The following ADGRL3 variants were observed in gnomAD, a reference collection of about 807,000 sequenced individuals.
ADGRL3 encodes calcium-independent alpha-latrotoxin receptor 3.
A neutral mutation model predicts 153.5 loss-of-function variants in ADGRL3; 62 were observed. That is an observed-to-expected ratio of 0.40 (90% CI 0.33 to 0.50). ADGRL3 has a LOEUF of 0.50. Ranked by LOEUF, ADGRL3 falls within the 20% of genes least tolerant of loss-of-function variation. The probability of loss-of-function intolerance (pLI) is 0.47; values close to 1 mark genes in which losing one functional copy is unlikely to be tolerated. For missense variants in ADGRL3, 1,641 were observed against 1,859.4 expected (o/e 0.88, Z 2.16); for synonymous variants, 710 against 672.5 (o/e 1.06, Z -0.86).
At chr4:61,558,946 G>A (rs941031138) in intron 4 of ADGRL3, among the ~76,000 whole-genome samples, 14 of 151,396 alleles carry the variant, frequency 9.2e-5, no homozygotes, top group African/African-American at 3.4e-4. Context: ...TTTCCTCATT[G>A]GTAAATAGGG....
chr4:61,401,100 C>T (rs2096925646), intron 2 of ADGRL3, among the ~76,000 whole-genome samples: 2 of 150,284 alleles, frequency 1.3e-5, no homozygotes, highest in Non-Finnish European at 3.0e-5. Flanking sequence ...TTTGAAAATG[C>T]AGTGGATAGA....
chr4:61,224,855 T>C (rs917083129), intron 1 of ADGRL3, among the ~76,000 whole-genome samples: 1 of 152,196 alleles, frequency 6.6e-6, no homozygotes, highest in Non-Finnish European at 1.5e-5. Flanking sequence ...CCATTTCTGA[T>C]GTCTTCTGTA....
intron 8 of ADGRL3, among the ~76,000 whole-genome samples, chr4:61,779,624 ACT>A (rs1445382857): frequency 8.4e-6 from 1 of 118,688 alleles, no homozygotes; most frequent in African/African-American, 3.4e-5. Context: ...CTGCAGTAAG[ACT>A]CTGTCTCAAA....
chr4:61,297,494 T>C (rs1013885607), intron 1 of ADGRL3, among the ~76,000 whole-genome samples: 6 of 152,172 alleles, frequency 3.9e-5, no homozygotes, highest in Non-Finnish European at 2.9e-5. Flanking sequence ...TATAAAAATG[T>C]GCATTATTTT....
At chr4:61,351,007 T>C (rs1262697131) in intron 1 of ADGRL3, among the ~76,000 whole-genome samples, 2 of 152,238 alleles carry the variant, frequency 1.3e-5, no homozygotes, top group Admixed American at 1.3e-4. Flanking sequence ...TGAGACAGGC[T>C]GAAAGCTAGG....
intron 17 of ADGRL3, among the ~76,000 whole-genome samples, chr4:61,962,461 T>C (rs1420440356): frequency 6.6e-6 from 1 of 152,188 alleles, no homozygotes; most frequent in Non-Finnish European, 1.5e-5. Context: ...TACGTTGCCT[T>C]CATTTGCCTT....
At chr4:62,021,614 G>A (rs1315275444) in intron 21 of ADGRL3, among the ~76,000 whole-genome samples, 1 of 152,056 alleles carries the variant, frequency 6.6e-6, no homozygotes, top group Non-Finnish European at 1.5e-5. Context: ...TTTCAAGCAA[G>A]TCTATCAGTG....
chr4:61,716,677 C>A (rs1378974600), intron 6 of ADGRL3, among the ~76,000 whole-genome samples: 3 of 152,040 alleles, frequency 2.0e-5, no homozygotes, highest in African/African-American at 7.2e-5. Context: ...GCCCTGAATT[C>A]AAATAGATAA....
At chr4:61,504,350 T>A (rs987991048) in intron 3 of ADGRL3, among the ~76,000 whole-genome samples, 17 of 151,832 alleles carry the variant, frequency 1.1e-4, no homozygotes, top group African/African-American at 1.9e-4. Flanking sequence ...AGAATTTTTT[T>A]AAAAAAATAA....
At chr4:61,882,421 G>A (rs1436122195) in intron 9 of ADGRL3, among the ~76,000 whole-genome samples, 3 of 152,126 alleles carry the variant, frequency 2.0e-5, no homozygotes, top group Non-Finnish European at 4.4e-5. Context: ...CACCACAGAT[G>A]TTTAGCCAAA....
intron 4 of ADGRL3, among the ~76,000 whole-genome samples, chr4:61,582,598 G>T (rs1357123410): frequency 6.6e-6 from 1 of 151,484 alleles, no homozygotes; most frequent in Admixed American, 6.6e-5. Flanking sequence ...TTAATGTGTA[G>T]CCCTCATTTT....
intron 5 of ADGRL3, among the ~76,000 whole-genome samples, chr4:61,636,334 T>C (rs954378588): frequency 6.6e-6 from 1 of 152,126 alleles, no homozygotes; most frequent in African/African-American, 2.4e-5. Flanking sequence ...GTTGCAATTA[T>C]CAGTAAAGGA....
At chr4:61,975,095 A>T (rs1300294389) in intron 17 of ADGRL3, among the ~76,000 whole-genome samples, 1 of 152,176 alleles carries the variant, frequency 6.6e-6, no homozygotes, top group Non-Finnish European at 1.5e-5. Flanking sequence ...TTATTCTCTT[A>T]GAGCTTTCTT....
chr4:61,549,302 C>A (rs1481293094), intron 4 of ADGRL3, among the ~76,000 whole-genome samples: 1 of 152,006 alleles, frequency 6.6e-6, no homozygotes, highest in East Asian at 1.9e-4. Flanking sequence ...ATTTGGATGT[C>A]TTTTATTTCT....
intron 19 of ADGRL3, among the ~76,000 whole-genome samples, chr4:61,996,006 ATCT>A (rs1449416557): frequency 1.3e-5 from 2 of 151,768 alleles, no homozygotes; most frequent in African/African-American, 2.4e-5. Context: ...TTCTTTCTTT[ATCT>A]TTTTTTTTTT....
chr4:61,489,455 C>A (rs1364228597), intron 2 of ADGRL3, among the ~76,000 whole-genome samples: 1 of 151,864 alleles, frequency 6.6e-6, no homozygotes, highest in East Asian at 1.9e-4. Context: ...GAAATTTCTT[C>A]CAAGTTGTGT....
intron 5 of ADGRL3, among the ~76,000 whole-genome samples, chr4:61,635,402 G>A (rs1235025556): frequency 6.6e-6 from 1 of 152,158 alleles, no homozygotes; most frequent in Non-Finnish European, 1.5e-5. Flanking sequence ...TGATGGTAGA[G>A]ATAAGAACTG....
chr4:61,214,236 A>T (rs1223870453), intron 1 of ADGRL3, among the ~76,000 whole-genome samples: 1 of 152,188 alleles, frequency 6.6e-6, no homozygotes. Context: ...CATGTCTTTG[A>T]ATTTAACATA....
At chr4:61,548,457 A>T (rs550877844) in intron 4 of ADGRL3, among the ~76,000 whole-genome samples, 1 of 152,168 alleles carries the variant, frequency 6.6e-6, no homozygotes, top group South Asian at 2.1e-4. Context: ...TGATTTTTGC[A>T]TATGGTGTAG....
Sources: gnomAD v4.1 joint callset for allele counts (sites outside exome capture counted in the v4.1 genomes callset) on GRCh38, gnomAD v4.1.1 for gene constraint, MANE v1.5 for transcripts, NCBI Gene and HGNC (gene_info 2026-07-23, HGNC 2026-07-21) for gene names.